CRTC1: variants seen among roughly 807,000 people sequenced by gnomAD.
CRTC1 encodes the protein CREB-regulated transcription coactivator 1.
A neutral mutation model predicts 66.1 loss-of-function variants in CRTC1; 18 were observed. That is an observed-to-expected ratio of 0.27 (90% CI 0.19 to 0.40). The LOEUF is 0.40. CRTC1 is among the 10% of genes least tolerant of loss of function. The probability of loss-of-function intolerance (pLI) is 1.00; values close to 1 mark genes in which losing one functional copy is unlikely to be tolerated. For synonymous variants in CRTC1, 416 were observed against 398.8 expected (o/e 1.04, Z -0.51); for missense variants, 669 against 887.9 (o/e 0.75, Z 3.13).
Position 18,778,002 on chromosome 19 carries a change from AG to A in CRTC1, c.*622del. 1 of 237,940 alleles carries A rather than the reference AG, an allele frequency of 4.2e-6. No homozygotes were observed. Among genetic ancestry groups the A allele is most frequent in the East Asian group, 6.0e-5 (1 of 16,552 alleles). 14.7% of individuals were successfully genotyped at this position (237,940 alleles called of 1,614,324 possible). Reference sequence around the variant, plus strand: ...ACAGAGCCCTGGCGTCCACCGGGGCAGGCGCAAAGTGGACAGAGCATGCAGG... The same window carrying A: ...ACAGAGCCCTGGCGTCCACCGGGGCAGCGCAAAGTGGACAGAGCATGCAGG... On this transcript the variant is annotated 3_prime_UTR_variant, in exon 14 of 14. Transcript: ENST00000321949.
intron 1 of CRTC1, among the ~76,000 whole-genome samples, chr19:18,703,764 A>T (rs912655519): frequency 6.6e-6 from 1 of 151,654 alleles, no homozygotes; most frequent in Non-Finnish European, 1.5e-5. Flanking sequence ...TGCCTGGCTA[A>T]TTTTTGCATT....
intron 1 of CRTC1, among the ~76,000 whole-genome samples, chr19:18,693,074 C>CAA (rs71168762): frequency 0.014 from 971 of 68,884 alleles, 59 homozygotes; most frequent in African/African-American, 0.044. Flanking sequence ...GACTCCGTCT[C>CAA]AAAAAAAAAA....
chr19:18,685,815 A>T (rs2052672087), intron 1 of CRTC1, among the ~76,000 whole-genome samples: 1 of 152,120 alleles, frequency 6.6e-6, no homozygotes. Flanking sequence ...TTGCAGTGTG[A>T]CCGGAAGAAA....
At chr19:18,704,976 A>C in intron 1 of CRTC1, among the ~76,000 whole-genome samples, 1 of 139,274 alleles carries the variant, frequency 7.2e-6, no homozygotes, top group Admixed American at 8.0e-5. Flanking sequence ...CCACCATCCT[A>C]TTTTCCACCT....
chr19:18,768,572 C>T lies in CRTC1; in HGVS notation c.1099C>T (p.Pro367Ser). 6.3e-7 allele frequency: 1 copy of T among 1,592,102 alleles called. No homozygotes were observed. Among genetic ancestry groups the T allele is most frequent in the Non-Finnish European group, 8.5e-7 (1 of 1,170,344 alleles). ...GGGCTCCCAGCAGCCACCGCCGCAG[C>T]CCCAGCCCCCGCCGCCTCCTCCACC... ...QAGSQQPPPQ[P>S]QPPPPPPPAS... is the part of the protein sequence containing the mutation. Residue 367 changes from proline to serine, a missense_variant, in exon 10 of 14, where the codon CCC becomes TCC. Around this residue, in one of 8 missense-constraint regions of CRTC1, gnomAD observed 241 missense variants for 242.2 expected, o/e 0.99. Transcript: ENST00000321949. This position sits in a 1 kb window ranked among gnomAD's most constrained non-coding sequence, Gnocchi z 5.6.
At chr19:18,687,900 G>A (rs973058275) in intron 1 of CRTC1, among the ~76,000 whole-genome samples, 2 of 152,076 alleles carry the variant, frequency 1.3e-5, no homozygotes, top group Admixed American at 6.5e-5. Flanking sequence ...CCACTCTTAG[G>A]CTTGGGTCAG....
At chr19:18,692,789 T>C (rs2052875491) in intron 1 of CRTC1, among the ~76,000 whole-genome samples, 1 of 151,880 alleles carries the variant, frequency 6.6e-6, no homozygotes, top group African/African-American at 2.4e-5. Flanking sequence ...AAATTCATTT[T>C]TCTGGGCCGG....
chr19:18,760,257 A>G lies in CRTC1; in HGVS notation c.886+29A>G. ...AGGCAGGGACACTCCGCCCTCGGAC[A>G]GAGCACTGGCTTGTGGAGACAACAC... On this transcript the variant is annotated intron_variant, in intron 8 of 13. Coordinates refer to ENST00000321949, the MANE Select transcript of CRTC1 (RefSeq NM_015321.3). This position sits in a 1 kb window ranked among gnomAD's most constrained non-coding sequence, Gnocchi z 6.2. 1 of 1,524,872 alleles carries G rather than the reference A, an allele frequency of 6.6e-7. No individual in the cohort carries two copies. Among genetic ancestry groups the G allele is most frequent in the Non-Finnish European group, 8.9e-7 (1 of 1,125,456 alleles). The allele number at this position is 1,524,872 out of a possible 1,614,324, so 94.5% of individuals were successfully genotyped here.
At chr19:18,694,248 C>G (rs28484842) in intron 1 of CRTC1, among the ~76,000 whole-genome samples, 1 of 138,140 alleles carries the variant, frequency 7.2e-6, no homozygotes, top group Non-Finnish European at 1.5e-5. Context: ...CTGCAGTGAA[C>G]TATGATCACG....
In CRTC1 at chr19:18,741,169, C is replaced by T. The variant is rs2054102653; in HGVS notation, c.127-1741C>T. On this transcript the variant is annotated intron_variant, in intron 1 of 13. Transcript: ENST00000321949. The surrounding 1 kb of genome is among the most constrained non-coding windows in gnomAD (Gnocchi z 4.2). ...TTTGGACAGAGATGGGGCTTGGGAA[C>T]CATGAGAGTTCTGTGTGTCCCCAGT... Among the ~76,000 whole-genome samples, 1 of 152,184 alleles carries T rather than the reference C, an allele frequency of 6.6e-6. No homozygotes were observed. Among genetic ancestry groups the T allele is most frequent in the Non-Finnish European group, 1.5e-5 (1 of 68,026 alleles).
At position 18,771,385 on chromosome 19, in the gene CRTC1, C is replaced by T. The variant is rs1253703875; in HGVS notation, c.1321-57C>T. ...TCAGGCTGCTCCCGGGAAGCAGGGA[C>T]TGGAGCCCGGGCTTGGGCAGCTGGG... On this transcript the variant is annotated intron_variant, in intron 10 of 13. Transcript: ENST00000321949. The surrounding 1 kb of genome is among the most constrained non-coding windows in gnomAD (Gnocchi z 4.6). 6.8e-7 allele frequency: 1 copy of T among 1,478,178 alleles called. No individual in the cohort carries two copies. The highest frequency in any genetic ancestry group is 1.4e-5 in the African/African-American group (1 of 71,478). The allele number at this position is 1,478,178 out of a possible 1,614,324, so 91.6% of individuals were successfully genotyped here.
At chr19:18,763,627 T>C (rs1229730251) in intron 8 of CRTC1, among the ~76,000 whole-genome samples, 1 of 152,250 alleles carries the variant, frequency 6.6e-6, no homozygotes, top group Non-Finnish European at 1.5e-5. Flanking sequence ...ACCAGGGGAA[T>C]GCCCGTAGAA....
At position 18,779,009 on chromosome 19, in the gene CRTC1, T is replaced by C. The variant is rs1002796097; in HGVS notation, c.*1627T>C. 1.3e-5 allele frequency: 3 copies of C among 231,814 alleles called. No homozygotes were observed. The highest frequency in any genetic ancestry group is 2.6e-5 in the Non-Finnish European group (3 of 117,250). 14.4% of individuals were successfully genotyped at this position (231,814 alleles called of 1,614,324 possible). On this transcript the variant is annotated 3_prime_UTR_variant, in exon 14 of 14. Coordinates refer to ENST00000321949, the MANE Select transcript of CRTC1 (RefSeq NM_015321.3). ...CCAGGGTGACAGGGTACTTGGGAGCTGTCCTGGACCCTCCCCATACCACGG... is the reference window on the plus strand; with the variant it reads ...CCAGGGTGACAGGGTACTTGGGAGCCGTCCTGGACCCTCCCCATACCACGG...
At chr19:18,709,911 G>C (rs1010107114) in intron 1 of CRTC1, among the ~76,000 whole-genome samples, 2 of 152,182 alleles carry the variant, frequency 1.3e-5, no homozygotes, top group African/African-American at 2.4e-5. Context: ...GCCACAGGGA[G>C]GACAGCTCAG....
intron 1 of CRTC1, among the ~76,000 whole-genome samples, chr19:18,705,448 G>C (rs527368948): frequency 2.0e-4 from 31 of 152,234 alleles, no homozygotes; most frequent in African/African-American, 6.7e-4. Context: ...CTCCCGAGTA[G>C]CTGGAATTAC....
intron 1 of CRTC1, among the ~76,000 whole-genome samples, chr19:18,732,515 G>T (rs2053912666): frequency 6.6e-6 from 1 of 152,216 alleles, no homozygotes; most frequent in Admixed American, 6.5e-5. Flanking sequence ...CTTGGTCTTT[G>T]GTATTTTATC....
intron 1 of CRTC1, among the ~76,000 whole-genome samples, chr19:18,724,210 T>A (rs2053692224): frequency 6.6e-6 from 1 of 152,092 alleles, no homozygotes; most frequent in African/African-American, 2.4e-5. Flanking sequence ...GAGGGAGCAG[T>A]GACAGCTGAT....
chr19:18,768,403 A>T lies in CRTC1; in HGVS notation c.1012-82A>T. 8.2e-7 allele frequency: 1 copy of T among 1,214,192 alleles called. No individual in the cohort carries two copies. The highest frequency in any genetic ancestry group is 1.2e-6 in the Non-Finnish European group (1 of 858,722). The allele number at this position is 1,214,192 out of a possible 1,614,324, so 75.2% of individuals were successfully genotyped here. A position where few individuals can be genotyped will look rare whatever the true frequency, so the allele number is the denominator to read the frequency against. On this transcript the variant is annotated intron_variant, in intron 9 of 13. Transcript: ENST00000321949. The surrounding 1 kb of genome is among the most constrained non-coding windows in gnomAD (Gnocchi z 5.6). The stretch of plus-strand genomic sequence containing the variant: ...CAGGGCCCTTCCACCTCGCCTGCTG[A>T]GCATGCCAGGCTATGGGGGCCCGAG...
At chr19:18,684,935 C>T (rs900696902) in intron 1 of CRTC1, among the ~76,000 whole-genome samples, 1 of 152,092 alleles carries the variant, frequency 6.6e-6, no homozygotes, top group African/African-American at 2.4e-5. Context: ...GTGGTGAGCA[C>T]ACTCTGCAAA....
Sources: gnomAD v4.1 joint callset for allele counts (sites outside exome capture counted in the v4.1 genomes callset) on GRCh38, gnomAD v4.1.1 for gene constraint, gnomAD v4.1.1 regional missense constraint, Gnocchi (gnomAD v3.1) non-coding constraint, MANE v1.5 for transcripts, NCBI Gene and HGNC (gene_info 2026-07-23, HGNC 2026-07-21) for gene names.